The following HS6ST3 variants were observed in gnomAD, a reference collection of about 807,000 sequenced individuals.
The protein encoded by HS6ST3 is heparan-sulfate 6-O-sulfotransferase 3.
HS6ST3 carries 12 observed loss-of-function variants against 36.7 expected under a neutral mutation model. The observed-to-expected ratio is 0.33, with a 90% CI of 0.21 to 0.53. HS6ST3 has a LOEUF of 0.53. HS6ST3 is among the 20% of genes least tolerant of loss of function. HS6ST3 has a pLI of 0.95. For synonymous variants in HS6ST3, 240 were observed against 257.5 expected, an observed-to-expected ratio of 0.93 and a Z score of 0.65; for missense variants, 584 against 640.9, an observed-to-expected ratio of 0.91 and a Z score of 0.96.
At chr13:96,366,398 A>G (rs2389656) in intron 1 of HS6ST3, among the ~76,000 whole-genome samples, 127,514 of 151,870 alleles carry the variant, frequency 0.84, 53,973 homozygotes, top group South Asian at 0.91. Context: ...GCAGTGAGTC[A>G]AGATTGTGCC....
chr13:96,266,923 T>C (rs1171515961), intron 1 of HS6ST3, among the ~76,000 whole-genome samples: 1 of 152,162 alleles, frequency 6.6e-6, no homozygotes, highest in Non-Finnish European at 1.5e-5. Flanking sequence ...TTCTGAAAGA[T>C]TGGTGATATG....
intron 1 of HS6ST3, among the ~76,000 whole-genome samples, chr13:96,430,110 T>C (rs2055607577): frequency 6.6e-6 from 1 of 152,224 alleles, no homozygotes; most frequent in Non-Finnish European, 1.5e-5. Context: ...TTAGCATAGC[T>C]GTGGATGCTA....
At chr13:96,116,250 T>A (rs1361313544) in intron 1 of HS6ST3, among the ~76,000 whole-genome samples, 3 of 152,128 alleles carry the variant, frequency 2.0e-5, no homozygotes, top group African/African-American at 7.2e-5. Context: ...TGCTACTACC[T>A]GAATTGCTAC....
At chr13:96,810,834 C>G (rs1057225803) in intron 1 of HS6ST3, among the ~76,000 whole-genome samples, 1 of 152,100 alleles carries the variant, frequency 6.6e-6, no homozygotes, top group Non-Finnish European at 1.5e-5. Flanking sequence ...ACAAGATGAA[C>G]AAAACAAATG....
intron 1 of HS6ST3, among the ~76,000 whole-genome samples, chr13:96,208,136 A>G (rs974626443): frequency 6.6e-6 from 1 of 152,194 alleles, no homozygotes; most frequent in African/African-American, 2.4e-5. Flanking sequence ...TTCTAAAATC[A>G]TAAAATATTA....
chr13:96,604,368 G>A (rs2056431381), intron 1 of HS6ST3, among the ~76,000 whole-genome samples: 1 of 152,144 alleles, frequency 6.6e-6, no homozygotes, highest in Non-Finnish European at 1.5e-5. Context: ...AATTTCAAGT[G>A]TATTTTGGAA....
intron 1 of HS6ST3, among the ~76,000 whole-genome samples, chr13:96,374,922 A>G (rs1175913730): frequency 1.3e-5 from 2 of 152,158 alleles, no homozygotes; most frequent in East Asian, 3.8e-4. Flanking sequence ...CGTATCAACT[A>G]AGTAACAAGA....
At chr13:96,106,242 A>G (rs1447833053) in intron 1 of HS6ST3, among the ~76,000 whole-genome samples, 5 of 152,336 alleles carry the variant, frequency 3.3e-5, no homozygotes, top group Admixed American at 3.3e-4. Flanking sequence ...GGCTTTAATG[A>G]CTTGATTCTA....
intron 1 of HS6ST3, among the ~76,000 whole-genome samples, chr13:96,497,868 C>A (rs929921297): frequency 6.6e-6 from 1 of 152,148 alleles, no homozygotes; most frequent in African/African-American, 2.4e-5. Flanking sequence ...AAAACTTCCC[C>A]TTTGTCCTCT....
chr13:96,256,842 C>T (rs1317032031), intron 1 of HS6ST3, among the ~76,000 whole-genome samples: 2 of 152,092 alleles, frequency 1.3e-5, no homozygotes, highest in African/African-American at 4.8e-5. Flanking sequence ...TTTTATCATC[C>T]AAACCAGTAT....
chr13:96,135,280 G>A lies in HS6ST3; in HGVS notation c.707+43711G>A, dbSNP rs147926391. On this transcript the variant is annotated intron_variant, in intron 1 of 1. Coordinates refer to ENST00000376705, the MANE Select transcript of HS6ST3 (RefSeq NM_153456.4). The stretch of plus-strand genomic sequence containing the variant: ...GAACACGTGGGCTGCAGTTATCACC[G>A]TGGACTTTCTTTCCTTTTTTAAAGA... Among the ~76,000 whole-genome samples, 49 of 152,226 alleles carry A rather than the reference G, an allele frequency of 3.2e-4. No homozygotes were observed. The East Asian group carries it at 8.5e-3, about 26-fold the overall frequency.
intron 1 of HS6ST3, among the ~76,000 whole-genome samples, chr13:96,584,631 G>A (rs546507777): frequency 1.3e-5 from 2 of 152,298 alleles, no homozygotes; most frequent in East Asian, 3.9e-4. Flanking sequence ...GGTACTGTTA[G>A]GCTTAAGTGG....
intron 1 of HS6ST3, among the ~76,000 whole-genome samples, chr13:96,400,255 A>C (rs976509239): frequency 6.6e-6 from 1 of 151,140 alleles, no homozygotes; most frequent in Non-Finnish European, 1.5e-5. Flanking sequence ...AGATACACAC[A>C]CATACACACA....
intron 1 of HS6ST3, among the ~76,000 whole-genome samples, chr13:96,243,585 C>G (rs1053130101): frequency 6.6e-6 from 1 of 152,140 alleles, no homozygotes; most frequent in Non-Finnish European, 1.5e-5. Flanking sequence ...CTAATAGCTG[C>G]TGTGTGTGTC....
chr13:96,484,010 C>T (rs376726649), intron 1 of HS6ST3, among the ~76,000 whole-genome samples: 3 of 152,198 alleles, frequency 2.0e-5, no homozygotes. Context: ...ACTATCTTTC[C>T]TTCATGTATT....
At chr13:96,232,246 G>T (rs1397594779) in intron 1 of HS6ST3, among the ~76,000 whole-genome samples, 1 of 152,310 alleles carries the variant, frequency 6.6e-6, no homozygotes, top group Non-Finnish European at 1.5e-5. Context: ...TATCAGTGTG[G>T]TTGTTAAGTA....
intron 1 of HS6ST3, among the ~76,000 whole-genome samples, chr13:96,415,267 AG>A (rs1245605204): frequency 1.3e-5 from 2 of 152,074 alleles, no homozygotes; most frequent in Non-Finnish European, 2.9e-5. Flanking sequence ...GAGGAGAGGG[AG>A]GGAGGTAGAG....
intron 1 of HS6ST3, among the ~76,000 whole-genome samples, chr13:96,754,683 G>T (rs72645523): frequency 0.12 from 18,365 of 152,020 alleles, 1,251 homozygotes; most frequent in African/African-American, 0.17. Flanking sequence ...TATTCTTCTG[G>T]CTTCCAGTGT....
chr13:96,416,308 A>G (rs553272374), intron 1 of HS6ST3, among the ~76,000 whole-genome samples: 1 of 152,232 alleles, frequency 6.6e-6, no homozygotes, highest in Non-Finnish European at 1.5e-5. Flanking sequence ...TTTGCAGTCA[A>G]TTGAAAAAAA....
Sources: allele counts gnomAD v4.1 joint callset (sites outside exome capture counted in the v4.1 genomes callset), GRCh38; gene constraint gnomAD v4.1.1; transcripts MANE v1.5; gene names NCBI Gene and HGNC (gene_info 2026-07-23, HGNC 2026-07-21).